ARK2C: variants seen among roughly 807,000 people sequenced by gnomAD.
ARK2C encodes E3 ubiquitin-protein ligase ARK2C.
At chr18:46,369,864 C>A in the ARK2C span, among the ~76,000 whole-genome samples, 1 of 152,224 alleles carries the variant, frequency 6.6e-6, no homozygotes, top group South Asian at 2.1e-4. Flanking sequence ...CAGGGTAGAG[C>A]CCGGGGCCCG....
At chr18:46,391,761 C>A in the ARK2C span, among the ~76,000 whole-genome samples, 2 of 151,970 alleles carry the variant, frequency 1.3e-5, no homozygotes, top group Non-Finnish European at 2.9e-5. Context: ...CAAACACACA[C>A]ACGCACACAC....
the ARK2C span, among the ~76,000 whole-genome samples, chr18:46,353,107 A>G: frequency 2.0e-5 from 3 of 152,370 alleles, no homozygotes; most frequent in Middle Eastern, 3.4e-3. Context: ...TACTCATCTC[A>G]TTACAAATCT....
At chr18:46,393,076 G>A in the ARK2C span, among the ~76,000 whole-genome samples, 1 of 152,198 alleles carries the variant, frequency 6.6e-6, no homozygotes, top group East Asian at 1.9e-4. Context: ...GGCAGGATGA[G>A]TCCTTCGCAA....
At chr18:46,402,708 C>T in the ARK2C span, among the ~76,000 whole-genome samples, 1 of 152,246 alleles carries the variant, frequency 6.6e-6, no homozygotes, top group African/African-American at 2.4e-5. Flanking sequence ...GCCATGTTGC[C>T]CAAACTGATC....
chr18:46,438,787 C>T, the ARK2C span, among the ~76,000 whole-genome samples: 1 of 152,246 alleles, frequency 6.6e-6, no homozygotes, highest in Admixed American at 6.5e-5. Context: ...ACAGGCTCAT[C>T]ATGAGCTGTT....
At chr18:46,428,612 G>A in the ARK2C span, among the ~76,000 whole-genome samples, 1 of 152,116 alleles carries the variant, frequency 6.6e-6, no homozygotes, top group African/African-American at 2.4e-5. Context: ...TGGCTCCTGG[G>A]CACTTGGAAT....
chr18:46,371,581 C>T, the ARK2C span, among the ~76,000 whole-genome samples: 26 of 152,316 alleles, frequency 1.7e-4, no homozygotes, highest in African/African-American at 5.8e-4. Flanking sequence ...GGATGATATC[C>T]TGGGCATGAA....
At chr18:46,371,503 G>A in the ARK2C span, among the ~76,000 whole-genome samples, 4 of 152,204 alleles carry the variant, frequency 2.6e-5, no homozygotes, top group African/African-American at 4.8e-5. Context: ...AGTTAAAGGA[G>A]ATTGGACATT....
the ARK2C span, among the ~76,000 whole-genome samples, chr18:46,393,971 G>T: frequency 6.6e-6 from 1 of 152,216 alleles, no homozygotes; most frequent in African/African-American, 2.4e-5. Context: ...TCTGGAGGGA[G>T]GATGCAGTGG....
chr18:46,381,339 G>T, the ARK2C span, among the ~76,000 whole-genome samples: 1 of 152,230 alleles, frequency 6.6e-6, no homozygotes, highest in East Asian at 1.9e-4. Flanking sequence ...AGTGACCCAT[G>T]CCAAGAGAAT....
At chr18:46,344,742 G>T in the ARK2C span, among the ~76,000 whole-genome samples, 1 of 152,254 alleles carries the variant, frequency 6.6e-6, no homozygotes, top group African/African-American at 2.4e-5. Flanking sequence ...ATTCTGGGAA[G>T]GTGAGGGAGT....
At chr18:46,422,852 A>G in the ARK2C span, among the ~76,000 whole-genome samples, 8 of 152,156 alleles carry the variant, frequency 5.3e-5, no homozygotes, top group Non-Finnish European at 7.3e-5. Flanking sequence ...TGGGAGACAA[A>G]ATAAATTCTG....
At chr18:46,406,080 C>T in the ARK2C span, among the ~76,000 whole-genome samples, 1 of 152,158 alleles carries the variant, frequency 6.6e-6, no homozygotes, top group Non-Finnish European at 1.5e-5. Flanking sequence ...CACTCACACA[C>T]TGACCTTGTG....
the ARK2C span, among the ~76,000 whole-genome samples, chr18:46,416,329 G>T: frequency 6.6e-5 from 10 of 152,152 alleles, no homozygotes; most frequent in African/African-American, 2.4e-4. Context: ...CCTGGCTCAT[G>T]ATAAGGAAGC....
At chr18:46,414,887 T>G in the ARK2C span, among the ~76,000 whole-genome samples, 2 of 152,178 alleles carry the variant, frequency 1.3e-5, no homozygotes, top group Non-Finnish European at 2.9e-5. Flanking sequence ...ATCACAGCCT[T>G]GTGAATGGGG....
chr18:46,383,800 C>G, the ARK2C span, among the ~76,000 whole-genome samples: 1 of 152,198 alleles, frequency 6.6e-6, no homozygotes, highest in East Asian at 1.9e-4. Flanking sequence ...ATCCGCCCAC[C>G]TTGGCCTCCC....
the ARK2C span, among the ~76,000 whole-genome samples, chr18:46,403,852 T>G: frequency 6.6e-6 from 1 of 152,118 alleles, no homozygotes; most frequent in African/African-American, 2.4e-5. Context: ...CACTCCAGCC[T>G]GGCAACAGAG....
the ARK2C span, among the ~76,000 whole-genome samples, chr18:46,437,255 T>C: frequency 6.6e-6 from 1 of 152,130 alleles, no homozygotes; most frequent in African/African-American, 2.4e-5. Flanking sequence ...TTCTCCTCCC[T>C]TGTAATTAGC....
the ARK2C span, among the ~76,000 whole-genome samples, chr18:46,449,924 C>G: frequency 6.6e-6 from 1 of 152,056 alleles, no homozygotes; most frequent in East Asian, 1.9e-4. Context: ...TGGTTCTGTC[C>G]CTTGGTTGCA....
Sources: gnomAD v4.1 joint callset for allele counts (sites outside exome capture counted in the v4.1 genomes callset) on GRCh38, gnomAD v4.1.1 for gene constraint, MANE v1.5 for transcripts, NCBI Gene and HGNC (gene_info 2026-07-23, HGNC 2026-07-21) for gene names.